The following TTLL2 variants were observed in gnomAD, a reference collection of about 807,000 sequenced individuals.
TTLL2 encodes the protein tubulin tyrosine ligase like 2.
Under a neutral mutation model 7.5 loss-of-function variants are expected in TTLL2, and 10 were observed. That is an observed-to-expected ratio of 1.33 (90% CI 0.82 to 2.25). The LOEUF (loss-of-function observed/expected upper bound fraction) is 2.25, where lower values mean the gene tolerates loss of function less well. TTLL2 is among the 30% of genes most tolerant of loss of function. TTLL2 has a pLI of 0.00. For synonymous variants in TTLL2, 284 were observed against 280.3 expected (o/e 1.01, Z -0.13); for missense variants, 733 against 735.7 (o/e 1.00, Z 0.04).
chr6:167,332,054 A>T (rs1778926521), intron 1 of TTLL2, among the ~76,000 whole-genome samples: 1 of 152,176 alleles, frequency 6.6e-6, no homozygotes, highest in Non-Finnish European at 1.5e-5. Context: ...GAAAAACCTT[A>T]GATAAATTAA....
chr6:167,327,116 T>C (rs896307456), intron 1 of TTLL2, among the ~76,000 whole-genome samples: 24 of 152,220 alleles, frequency 1.6e-4, no homozygotes, highest in African/African-American at 5.8e-4. Flanking sequence ...ATTCACTGAA[T>C]ACACATTTTA....
At position 167,338,655 on chromosome 6, in the gene TTLL2, G is replaced by C. The variant is rs1466592488; in HGVS notation, c.56G>C (p.Arg19Thr). The change falls in exon 2 of 3, where the codon AGA (arginine) becomes ACA (threonine). Residue 19 changes from arginine (R) to threonine (T), a missense_variant. By Grantham distance (71) the Arg-to-Thr change is moderately conservative. Coordinates refer to ENST00000239587, the MANE Select transcript of TTLL2 (RefSeq NM_031949.5). ...STQSQALGSL[R>T]TTTPAFTLNI... ...TGCTGCTTTGTTCACAGATCTTTGA[G>C]AACCACCACCCCAGCCTTTACCCTT... is the stretch of plus-strand genomic sequence containing the variant. 6.2e-7 allele frequency: 1 copy of C among 1,612,700 alleles called. No homozygotes were observed. The highest frequency in any genetic ancestry group is 8.5e-7 in the Non-Finnish European group (1 of 1,179,232).
intron 1 of TTLL2, among the ~76,000 whole-genome samples, chr6:167,337,310 T>C (rs1357771057): frequency 6.6e-6 from 1 of 152,166 alleles, no homozygotes; most frequent in Non-Finnish European, 1.5e-5. Flanking sequence ...TGGGCAGCCC[T>C]GGGAAGGGGC....
rs768472898 is a variant in TTLL2 at position 167,341,328 on chromosome 6, G to C, written c.1428G>C (p.Val476=). The change falls in exon 3 of 3, where the codon GTG becomes GTC. Residue 476 remains valine, a synonymous_variant. Transcript: ENST00000239587. ...ATGACTCTGTGGTGGAGAAAGCTGT[G>C]AGTGTGCGTCCTGAAGCTGCACCTG... ...NEDDSVVEKA[V]SVRPEAAPAS... is the part of the protein sequence containing the mutation. 18 of 1,613,676 alleles carry C rather than the reference G, an allele frequency of 1.1e-5. No homozygotes were observed. In the African/African-American group the frequency reaches 1.2e-4, roughly 11 times the overall value.
chr6:167,337,319 G>C (rs1419621796), intron 1 of TTLL2, among the ~76,000 whole-genome samples: 2 of 152,216 alleles, frequency 1.3e-5, no homozygotes, highest in African/African-American at 4.8e-5. Context: ...CTGGGAAGGG[G>C]CAAAGCCTCA....
At position 167,342,015 on chromosome 6, in the gene TTLL2, A is replaced by AT. The variant is rs1779105006; in HGVS notation, c.*341dup. On this transcript the variant is annotated 3_prime_UTR_variant, in exon 3 of 3. Coordinates refer to ENST00000239587, the MANE Select transcript of TTLL2 (RefSeq NM_031949.5). ...AAGAGGAGAAAAAGATTATTCTAAT[A>AT]TTTTTAAAGGATTATTAGGTGAAAA... 2 of 197,826 alleles carry AT rather than the reference A, an allele frequency of 1.0e-5. No homozygotes were observed. Among genetic ancestry groups the AT allele is most frequent in the Non-Finnish European group, 2.0e-5 (2 of 97,798 alleles). 12.3% of individuals were successfully genotyped at this position (197,826 alleles called of 1,614,324 possible).
At chr6:167,338,581 C>G in intron 1 of TTLL2, 66 bp from the exon 2 acceptor site, 1 of 1,535,046 alleles carries the variant, frequency 6.5e-7, no homozygotes, top group Non-Finnish European at 8.8e-7. Context: ...TCTGTATGTT[C>G]CTTATTAAAG....
At chr6:167,332,541 A>T (rs941433814) in intron 1 of TTLL2, among the ~76,000 whole-genome samples, 1 of 151,090 alleles carries the variant, frequency 6.6e-6, no homozygotes, top group Non-Finnish European at 1.5e-5. Context: ...CAGTATGGCC[A>T]TTTTCACGAT....
intron 1 of TTLL2, among the ~76,000 whole-genome samples, chr6:167,326,164 T>C (rs999407418): frequency 6.6e-6 from 1 of 152,068 alleles, no homozygotes; most frequent in Non-Finnish European, 1.5e-5. Context: ...TCTGGGTGTC[T>C]TGGGGCTGAG....
At chr6:167,330,507 G>A (rs1778907351) in intron 1 of TTLL2, among the ~76,000 whole-genome samples, 1 of 152,012 alleles carries the variant, frequency 6.6e-6, no homozygotes, top group Admixed American at 6.5e-5. Flanking sequence ...GTTGCAGTGA[G>A]CCAAGTGTGC....
chr6:167,340,799 G>A lies in TTLL2; in HGVS notation c.899G>A (p.Ser300Asn), dbSNP rs748400439. 16 of 1,614,148 alleles carry A rather than the reference G, an allele frequency of 9.9e-6. No homozygotes were observed. The highest frequency in any genetic ancestry group is 1.4e-5 in the Non-Finnish European group (16 of 1,180,026). ...LQNNYAHLTN[S>N]SINKSGASYE... ...AACAATTATGCCCATTTGACCAACA[G>A]CAGCATCAATAAATCCGGGGCCTCT... The change falls in exon 3 of 3, where the codon AGC (serine) becomes AAC (asparagine). Residue 300 changes from serine to asparagine, a missense_variant. Coordinates refer to ENST00000239587, the MANE Select transcript of TTLL2 (RefSeq NM_031949.5).
Position 167,341,882 on chromosome 6 carries a change from A to T in TTLL2, c.*203A>T, listed in dbSNP as rs1165940027. 9 of 579,382 alleles carry T rather than the reference A, an allele frequency of 1.6e-5. No individual in the cohort carries two copies. Among genetic ancestry groups the T allele is most frequent in the Non-Finnish European group, 2.0e-5 (7 of 342,078 alleles). 35.9% of individuals were successfully genotyped at this position (579,382 alleles called of 1,614,324 possible). ...TCAAGTGGTGATTAAACTACATTACATCCCATGTTTATTTGCTCAGGTGTC... is the reference window on the plus strand; with the variant it reads ...TCAAGTGGTGATTAAACTACATTACTTCCCATGTTTATTTGCTCAGGTGTC... On this transcript the variant is annotated 3_prime_UTR_variant, in exon 3 of 3. Transcript: ENST00000239587.
chr6:167,342,684 G>A lies in TTLL2; in HGVS notation c.*1005G>A, dbSNP rs933111494. 6.6e-6 allele frequency among the ~76,000 whole-genome samples: 1 copy of A among 152,122 alleles called. No individual in the cohort carries two copies. On this transcript the variant is annotated 3_prime_UTR_variant, in exon 3 of 3. Transcript: ENST00000239587. ...TTTTACCACAATAAAAAAGTTAAAA[G>A]CTGGCCATGGTGGCTCATGCCTTCA...
intron 1 of TTLL2, among the ~76,000 whole-genome samples, chr6:167,335,395 T>C (rs1404059453): frequency 1.3e-5 from 2 of 150,414 alleles, no homozygotes; most frequent in African/African-American, 4.9e-5. Context: ...GGTTCAACCA[T>C]TGTGGAAGTC....
chr6:167,331,127 A>C (rs1221954538), intron 1 of TTLL2, among the ~76,000 whole-genome samples: 1 of 152,180 alleles, frequency 6.6e-6, no homozygotes, highest in Non-Finnish European at 1.5e-5. Flanking sequence ...TTATTTTATT[A>C]ACTGAAAAAT....
intron 1 of TTLL2, among the ~76,000 whole-genome samples, chr6:167,337,503 G>A (rs1779003467): frequency 6.6e-6 from 1 of 152,192 alleles, no homozygotes; most frequent in Non-Finnish European, 1.5e-5. Flanking sequence ...TCAGGCCAGG[G>A]CGCGCCAACC....
intron 1 of TTLL2, among the ~76,000 whole-genome samples, chr6:167,332,414 G>A (rs1370890944): frequency 1.3e-5 from 2 of 152,082 alleles, no homozygotes; most frequent in East Asian, 3.8e-4. Context: ...CTTATAAGGA[G>A]GCAATGTTAG....
In TTLL2 at chr6:167,341,036, A is replaced by G; in HGVS notation, c.1136A>G (p.Asn379Ser). ...LFGFDILIDD[N>S]LKPWLLEVNY... ...GGGTTTGATATTTTGATTGATGACA[A>G]CTTGAAACCATGGCTTTTAGAGGTC... The change falls in exon 3 of 3, where the codon AAC (asparagine) becomes AGC (serine). Residue 379 changes from asparagine to serine, a missense_variant. Transcript: ENST00000239587. 1 of 1,614,066 alleles carries G rather than the reference A, an allele frequency of 6.2e-7. No homozygotes were observed. The highest frequency in any genetic ancestry group is 8.5e-7 in the Non-Finnish European group (1 of 1,180,004).
chr6:167,325,316 C>T, intron 1 of TTLL2, 96 bp downstream of exon 1: 1 of 1,278,852 alleles, frequency 7.8e-7, no homozygotes, highest in South Asian at 1.6e-5. Context: ...GGGCCAGGGT[C>T]ACTAGGAGCA....
Sources: gnomAD v4.1 joint callset for allele counts (sites outside exome capture counted in the v4.1 genomes callset) on GRCh38, gnomAD v4.1.1 for gene constraint, MANE v1.5 for transcripts, NCBI Gene and HGNC (gene_info 2026-07-23, HGNC 2026-07-21) for gene names.